The following ENPEP variants were observed in gnomAD, a reference collection of about 807,000 sequenced individuals.
The protein encoded by ENPEP is glutamyl aminopeptidase.
In ENPEP, 103 loss-of-function variants were observed where a neutral mutation model predicts 114.5. The observed-to-expected ratio is 0.90, with a 90% CI of 0.77 to 1.06. The LOEUF (loss-of-function observed/expected upper bound fraction) is 1.06, where lower values mean the gene tolerates loss of function less well. Among genes scored for constraint, ENPEP ranks in the 50% least tolerant of loss-of-function variants. The probability of loss-of-function intolerance (pLI) is 0.00; values close to 1 mark genes in which losing one functional copy is unlikely to be tolerated. For missense variants in ENPEP, 1,196 were observed against 1,161.3 expected (o/e 1.03, Z -0.43); for synonymous variants, 420 against 422.0 (o/e 1.00, Z 0.06).
intron 11 of ENPEP, among the ~76,000 whole-genome samples, chr4:110,537,350 C>A (rs539422231): frequency 6.6e-6 from 1 of 152,080 alleles, no homozygotes; most frequent in Admixed American, 6.5e-5. Flanking sequence ...CCTTTTTTGT[C>A]ATTTCAAGAT....
intron 1 of ENPEP, among the ~76,000 whole-genome samples, chr4:110,486,220 G>T (rs538107020): frequency 6.6e-6 from 1 of 152,228 alleles, no homozygotes; most frequent in East Asian, 1.9e-4. Flanking sequence ...TGTTCAATGA[G>T]TTATTATCCC....
At chr4:110,521,362 G>A (rs1725981836) in intron 10 of ENPEP, among the ~76,000 whole-genome samples, 1 of 151,918 alleles carries the variant, frequency 6.6e-6, no homozygotes, top group Non-Finnish European at 1.5e-5. Context: ...CTAGGTGACA[G>A]AGCAAGAGCT....
intron 3 of ENPEP, among the ~76,000 whole-genome samples, chr4:110,494,227 A>G (rs1724842235): frequency 1.3e-5 from 2 of 152,286 alleles, no homozygotes; most frequent in East Asian, 3.9e-4. Context: ...GGAGCTCAAT[A>G]TGCTTATAGC....
At chr4:110,523,579 CTA>C (rs1165950220) in intron 10 of ENPEP, among the ~76,000 whole-genome samples, 4 of 152,188 alleles carry the variant, frequency 2.6e-5, no homozygotes, top group Non-Finnish European at 4.4e-5. Flanking sequence ...TTGACCAACA[CTA>C]TATACAATAT....
intron 3 of ENPEP, 42 bp from the exon 4 acceptor site, chr4:110,506,595 G>T: frequency 6.4e-7 from 1 of 1,561,800 alleles, no homozygotes; most frequent in South Asian, 1.2e-5. Context: ...TTTGTTGAAT[G>T]AAGAATAATT....
At chr4:110,501,496 C>T (rs929009577) in intron 3 of ENPEP, among the ~76,000 whole-genome samples, 1 of 152,062 alleles carries the variant, frequency 6.6e-6, no homozygotes, top group African/African-American at 2.4e-5. Context: ...CATGAGTACT[C>T]AATGTTTAGG....
intron 11 of ENPEP, 35 bp downstream of exon 11, chr4:110,531,312 A>G (rs774121835): frequency 1.5e-6 from 2 of 1,370,384 alleles, no homozygotes; most frequent in South Asian, 1.6e-5. Flanking sequence ...TCTTCTTTGA[A>G]TTGATGTACC....
chr4:110,540,267 T>C (rs538071875), intron 11 of ENPEP, among the ~76,000 whole-genome samples: 3 of 152,282 alleles, frequency 2.0e-5, no homozygotes, highest in African/African-American at 7.2e-5. Flanking sequence ...ATTTGTTGTG[T>C]GTTTGTGCAT....
At chr4:110,516,989 G>C (rs185103413) in intron 8 of ENPEP, among the ~76,000 whole-genome samples, 60 of 152,178 alleles carry the variant, frequency 3.9e-4, no homozygotes, top group Admixed American at 7.2e-4. Flanking sequence ...TGTCGCCAAG[G>C]CTGGAGTGCA....
At chr4:110,552,335 A>G (rs1727322865) in intron 17 of ENPEP, among the ~76,000 whole-genome samples, 1 of 152,154 alleles carries the variant, frequency 6.6e-6, no homozygotes, top group African/African-American at 2.4e-5. Context: ...AGTTTTCTCC[A>G]GTCTCATTTA....
intron 8 of ENPEP, among the ~76,000 whole-genome samples, chr4:110,516,184 A>G (rs1449259257): frequency 1.3e-5 from 2 of 152,194 alleles, no homozygotes; most frequent in Non-Finnish European, 2.9e-5. Context: ...GCTTATTACA[A>G]TGGAGTCAGT....
intron 3 of ENPEP, among the ~76,000 whole-genome samples, chr4:110,495,910 T>G (rs1432418868): frequency 6.6e-6 from 1 of 152,174 alleles, no homozygotes; most frequent in Admixed American, 6.5e-5. Flanking sequence ...CAAGTTTTCC[T>G]TGGCTTTCCT....
intron 1 of ENPEP, among the ~76,000 whole-genome samples, chr4:110,481,107 T>G (rs944395628): frequency 2.6e-5 from 4 of 152,234 alleles, no homozygotes; most frequent in African/African-American, 9.6e-5. Flanking sequence ...AAGTATGTAC[T>G]GCAGAATTCT....
At chr4:110,500,464 C>T (rs1725112413) in intron 3 of ENPEP, among the ~76,000 whole-genome samples, 1 of 152,074 alleles carries the variant, frequency 6.6e-6, no homozygotes, top group Non-Finnish European at 1.5e-5. Flanking sequence ...TTTAATTTGC[C>T]TAGGGAAGTT....
At chr4:110,519,688 C>T (rs1440509495) in intron 8 of ENPEP, among the ~76,000 whole-genome samples, 1 of 151,882 alleles carries the variant, frequency 6.6e-6, no homozygotes, top group Admixed American at 6.6e-5. Flanking sequence ...TTCCTTAGAG[C>T]AGAGATCAGC....
chr4:110,520,402 A>C (rs1372720518), intron 10 of ENPEP, 36 bp downstream of exon 10: 1 of 1,603,824 alleles, frequency 6.2e-7, no homozygotes, highest in Non-Finnish European at 8.5e-7. Context: ...AAACACAGAA[A>C]TTTGGCAGAA....
intron 19 of ENPEP, 98 bp downstream of exon 19, chr4:110,559,823 T>C (rs1727619373): frequency 2.1e-6 from 2 of 931,082 alleles, no homozygotes; most frequent in Non-Finnish European, 1.7e-6. Context: ...ATGTGCAGAA[T>C]GTGCAGGTTT....
chr4:110,542,705 A>C, intron 11 of ENPEP, 46 bp from the exon 12 acceptor site: 2 of 1,538,672 alleles, frequency 1.3e-6, no homozygotes, highest in Non-Finnish European at 1.8e-6. Context: ...CTGTGTTGAC[A>C]GTGCATGCAA....
At position 110,531,147 on chromosome 4, in the gene ENPEP, T is replaced by G. The variant is rs1183348974; in HGVS notation, c.1728-51T>G. The G allele has an allele frequency of 1.7e-6, 2 of 1,151,498 alleles. 1 individual carries two copies. The highest frequency in any genetic ancestry group is 5.7e-5 in the East Asian group (2 of 34,872). 71.3% of individuals were successfully genotyped at this position (1,151,498 alleles called of 1,614,324 possible). On this transcript the variant is annotated intron_variant, in intron 10 of 19. Transcript: ENST00000265162. Reference sequence around the variant, plus strand: ...TTTTTAGTGATTTTTACTCTTGAAATTTTATCTTTTAGTAATAAAAGTTAA... The same window carrying G: ...TTTTTAGTGATTTTTACTCTTGAAAGTTTATCTTTTAGTAATAAAAGTTAA...
Sources: allele counts gnomAD v4.1 joint callset (sites outside exome capture counted in the v4.1 genomes callset), GRCh38; gene constraint gnomAD v4.1.1; transcripts MANE v1.5; gene names NCBI Gene and HGNC (gene_info 2026-07-23, HGNC 2026-07-21).